NEBL: variants seen among roughly 807,000 people sequenced by gnomAD.
The protein encoded by NEBL is nebulette, also known as LIM and SH3 protein 2.
In NEBL, 122 loss-of-function variants were observed where a neutral mutation model predicts 140.2. The observed-to-expected ratio is 0.87, with a 90% confidence interval of 0.75 to 1.01. The LOEUF (loss-of-function observed/expected upper bound fraction) is 1.01. NEBL is among the 50% of genes least tolerant of loss of function. NEBL has a pLI of 0.00. For synonymous variants in NEBL, 436 were observed against 398.9 expected, an observed-to-expected ratio of 1.09 and a Z score of -1.11; for missense variants, 1,365 against 1,231.3, an observed-to-expected ratio of 1.11 and a Z score of -1.62.
chr10:21,165,404 T>C (rs1182049186), intron 2 of NEBL, among the ~76,000 whole-genome samples: 1 of 152,112 alleles, frequency 6.6e-6, no homozygotes, highest in African/African-American at 2.4e-5. Flanking sequence ...TAGTCACCAG[T>C]CCCCACAGAT....
intron 2 of NEBL, among the ~76,000 whole-genome samples, chr10:21,079,157 T>C (rs1836250502): frequency 6.6e-6 from 1 of 152,184 alleles, no homozygotes; most frequent in South Asian, 2.1e-4. Context: ...ACCTTCTCTA[T>C]TAACTATAGC....
chr10:21,131,441 G>T (rs1839100205), intron 2 of NEBL, among the ~76,000 whole-genome samples: 1 of 151,988 alleles, frequency 6.6e-6, no homozygotes, highest in Admixed American at 6.6e-5. Flanking sequence ...TGACCATATT[G>T]TATCCTCCAC....
intron 19 of NEBL, among the ~76,000 whole-genome samples, 195 bp from the exon 20 acceptor site, chr10:20,819,711 G>GA (rs1839094822): frequency 6.6e-6 from 1 of 151,364 alleles, no homozygotes; most frequent in Admixed American, 6.6e-5. Context: ...CTTGTCAAGT[G>GA]GTTTTGTTGT....
At chr10:20,852,472 A>G in intron 10 of NEBL, 73 bp downstream of exon 10, 2 of 922,392 alleles carry the variant, frequency 2.2e-6, no homozygotes, top group Non-Finnish European at 3.6e-6. Flanking sequence ...GACGCACGGC[A>G]GTGAGCGGCG....
At chr10:20,962,600 G>A (rs1406750091) in intron 3 of NEBL, among the ~76,000 whole-genome samples, 1 of 152,130 alleles carries the variant, frequency 6.6e-6, no homozygotes, top group Non-Finnish European at 1.5e-5. Context: ...CCCATCTCCT[G>A]TTATTAGCAT....
At chr10:21,088,075 C>G (rs1836726142) in intron 2 of NEBL, among the ~76,000 whole-genome samples, 2 of 152,202 alleles carry the variant, frequency 1.3e-5, no homozygotes, top group Non-Finnish European at 2.9e-5. Flanking sequence ...TTTCCCTCCC[C>G]TACCATTCAT....
chr10:21,209,642 C>T (rs1378338024), intron 3 of NEBL, among the ~76,000 whole-genome samples: 1 of 150,940 alleles, frequency 6.6e-6, no homozygotes, highest in Non-Finnish European at 1.5e-5. Flanking sequence ...CAATTAGGCA[C>T]CTGACCTTTT....
chr10:21,087,491 C>G (rs634878), intron 2 of NEBL, among the ~76,000 whole-genome samples: 98,745 of 152,050 alleles, frequency 0.65, 34,183 homozygotes, highest in Middle Eastern at 0.82. Context: ...TTCAGACTTT[C>G]TCTTCTCCCA....
intron 4 of NEBL, among the ~76,000 whole-genome samples, chr10:20,911,078 T>C (rs957114321): frequency 6.6e-6 from 1 of 151,966 alleles, no homozygotes; most frequent in Non-Finnish European, 1.5e-5. Context: ...GTGGGAGAAT[T>C]GCTTGAGCCT....
In NEBL at chr10:20,938,284, T is replaced by C. The variant is rs142291211; in HGVS notation, c.357+23388A>G. Reference sequence around the variant, plus strand: ...AGCAGCAACATTTGCTGCTCACCAATGTCTGCTGTTCTGCAGCCTCCGCTG... The same window carrying C: ...AGCAGCAACATTTGCTGCTCACCAACGTCTGCTGTTCTGCAGCCTCCGCTG... On this transcript the variant is annotated intron_variant, in intron 4 of 6. Transcript: ENST00000417816. 7.8e-3 allele frequency among the ~76,000 whole-genome samples: 1,190 copies of C among 152,294 alleles called. 21 individuals are homozygous for C. The highest frequency in any genetic ancestry group is 0.027 in the African/African-American group (1,111 of 41,572).
chr10:20,920,091 T>C (rs183341553), intron 4 of NEBL, among the ~76,000 whole-genome samples: 95 of 152,256 alleles, frequency 6.2e-4, no homozygotes, highest in Admixed American at 1.6e-3. Flanking sequence ...AAATATAAAT[T>C]AAAAGAACAT....
At chr10:21,263,554 T>C (rs955498856) in intron 1 of NEBL, among the ~76,000 whole-genome samples, 1 of 152,206 alleles carries the variant, frequency 6.6e-6, no homozygotes, top group Non-Finnish European at 1.5e-5. Context: ...GTGTGTGCTC[T>C]CCTATCTCCC....
At chr10:20,915,876 T>C (rs556111462) in intron 4 of NEBL, among the ~76,000 whole-genome samples, 1 of 152,342 alleles carries the variant, frequency 6.6e-6, no homozygotes, top group African/African-American at 2.4e-5. Flanking sequence ...AACTTTTGAA[T>C]TGGATCTGCA....
intron 2 of NEBL, among the ~76,000 whole-genome samples, chr10:21,159,112 A>C (rs939853825): frequency 1.3e-5 from 2 of 151,462 alleles, no homozygotes; most frequent in Admixed American, 1.3e-4. Flanking sequence ...CTTTTCCTCC[A>C]CCCTTTTTTT....
At chr10:20,863,040 G>A (rs1252280823) in intron 7 of NEBL, among the ~76,000 whole-genome samples, 2 of 151,994 alleles carry the variant, frequency 1.3e-5, no homozygotes. Flanking sequence ...ACTCCTAGAT[G>A]TTTTTTAAAG....
At chr10:20,925,423 A>G (rs561618683) in intron 4 of NEBL, among the ~76,000 whole-genome samples, 9 of 152,086 alleles carry the variant, frequency 5.9e-5, no homozygotes, top group African/African-American at 2.2e-4. Context: ...CCCTCCCTCC[A>G]TCCCCCTTGT....
chr10:21,249,569 G>A (rs1842561585), intron 2 of NEBL, among the ~76,000 whole-genome samples: 1 of 150,630 alleles, frequency 6.6e-6, no homozygotes, highest in South Asian at 2.1e-4. Context: ...TAAGGTAAGG[G>A]TCCTATTTAA....
At chr10:20,938,501 G>C (rs1463506135) in intron 4 of NEBL, among the ~76,000 whole-genome samples, 1 of 152,190 alleles carries the variant, frequency 6.6e-6, no homozygotes, top group African/African-American at 2.4e-5. Context: ...CACCAGAGCA[G>C]AAAAGCTGAA....
At chr10:21,176,125 C>G (rs1437285592), upstream of NEBL, among the ~76,000 whole-genome samples, 1 of 152,090 alleles carries the variant, frequency 6.6e-6, no homozygotes, top group East Asian at 1.9e-4. Context: ...GTCTCAGTCT[C>G]CTGAGTACCT....
Sources: allele counts gnomAD v4.1 joint callset (sites outside exome capture counted in the v4.1 genomes callset), GRCh38; gene constraint gnomAD v4.1.1; transcripts MANE v1.5; gene names NCBI Gene and HGNC (gene_info 2026-07-23, HGNC 2026-07-21).